Variants in CHERP observed in about 807,000 individuals in gnomAD.
The protein encoded by CHERP is ERPROT 213-21.
A neutral mutation model predicts 113.8 loss-of-function variants in CHERP; 8 were observed. The observed-to-expected ratio is 0.07, with a 90% CI of 0.04 to 0.13. The LOEUF (loss-of-function observed/expected upper bound fraction) is 0.13. CHERP is among the 10% of genes least tolerant of loss of function. CHERP has a pLI of 1.00. For missense variants in CHERP, 884 were observed against 1,298.2 expected (o/e 0.68, Z 4.90); for synonymous variants, 559 against 524.5 (o/e 1.07, Z -0.90).
chr19:16,526,020 CA>C, intron 9 of CHERP: 1 of 308,602 alleles, frequency 3.2e-6, no homozygotes, highest in Admixed American at 5.2e-5. Context: ...CCTCGCCCCT[CA>C]GGGGCAGGTG....
chr19:16,529,234 T>TCTCAA (rs1450582107), intron 8 of CHERP, among the ~76,000 whole-genome samples: 1 of 152,158 alleles, frequency 6.6e-6, no homozygotes, highest in African/African-American at 2.4e-5. Flanking sequence ...CCCAGGCTAA[T>TCTCAA]CTCAAACTCC....
rs556110219 is a variant in CHERP at position 16,519,890 on chromosome 19, C to T, written c.2463-175G>A. On this transcript the variant is annotated intron_variant, in intron 15 of 16. Coordinates refer to ENST00000546361, the MANE Select transcript of CHERP (RefSeq NM_006387.6). This position sits in a 1 kb window ranked among gnomAD's most constrained non-coding sequence, Gnocchi z 6.0. Reference sequence around the variant, plus strand: ...CTGTCTCAGCTAGATAAGGGGGCTCCAGACGCTGGCCCCCACCCCACGCTC... The same window carrying T: ...CTGTCTCAGCTAGATAAGGGGGCTCTAGACGCTGGCCCCCACCCCACGCTC... The T allele has an allele frequency of 8.8e-6, 6 of 680,360 alleles. No homozygotes were observed. The highest frequency in any genetic ancestry group is 5.2e-5 in the South Asian group (3 of 57,986). The allele number at this position is 680,360 out of a possible 1,614,324, so 42.1% of individuals were successfully genotyped here. A position where few individuals can be genotyped will look rare whatever the true frequency, so the allele number is the denominator to read the frequency against.
rs932609852 is a variant in CHERP at position 16,519,907 on chromosome 19, C to A, written c.2463-192G>T. ...GGGGGCTCCAGACGCTGGCCCCCAC[C>A]CCACGCTCAGCATTGAGAGCAGGAC... On this transcript the variant is annotated intron_variant, in intron 15 of 16. Coordinates refer to ENST00000546361, the MANE Select transcript of CHERP (RefSeq NM_006387.6). The surrounding 1 kb of genome is among the most constrained non-coding windows in gnomAD (Gnocchi z 6.0). 24 of 665,916 alleles carry A rather than the reference C, an allele frequency of 3.6e-5. No homozygotes were observed. Among genetic ancestry groups the A allele is most frequent in the Non-Finnish European group, 5.7e-5 (22 of 383,000 alleles). 41.3% of individuals were successfully genotyped at this position (665,916 alleles called of 1,614,324 possible).
In CHERP at chr19:16,520,081, T is replaced by G; in HGVS notation, c.2462+68A>C. 1 of 1,500,180 alleles carries G rather than the reference T, an allele frequency of 6.7e-7. No individual in the cohort carries two copies. The highest frequency in any genetic ancestry group is 1.2e-5 in the South Asian group (1 of 86,862). The allele number at this position is 1,500,180 out of a possible 1,614,324, so 92.9% of individuals were successfully genotyped here. ...ACACAGTCTCCTAACCACCAATGTT[T>G]CCACATTCACAGCAAAGCACCGCAG... On this transcript the variant is annotated intron_variant, in intron 15 of 16. Transcript: ENST00000546361. The surrounding 1 kb of genome is among the most constrained non-coding windows in gnomAD (Gnocchi z 4.0).
At position 16,525,748 on chromosome 19, in the gene CHERP, G is replaced by C. The variant is rs2085653753; in HGVS notation, c.1306-71C>G. On this transcript the variant is annotated intron_variant, in intron 9 of 16. Transcript: ENST00000546361. The surrounding 1 kb of genome is among the most constrained non-coding windows in gnomAD (Gnocchi z 6.5). The stretch of plus-strand genomic sequence containing the variant: ...AGTGCTCGGCAGCATCACAGCGCTC[G>C]GCAGCATCACAGCGCTGGCTCAGAC... 1 of 1,351,734 alleles carries C rather than the reference G, an allele frequency of 7.4e-7. No homozygotes were observed. The highest frequency in any genetic ancestry group is 1.5e-5 in the African/African-American group (1 of 67,020). 83.7% of individuals were successfully genotyped at this position (1,351,734 alleles called of 1,614,324 possible). A position where few individuals can be genotyped will look rare whatever the true frequency, so the allele number is the denominator to read the frequency against.
intron 5 of CHERP, among the ~76,000 whole-genome samples, chr19:16,531,594 G>A (rs894089965): frequency 6.6e-6 from 1 of 152,268 alleles, no homozygotes; most frequent in African/African-American, 2.4e-5. Context: ...GCCTGGGCTG[G>A]GCGAGCAGCA....
rs1568262491 is a variant in CHERP, at chr19:16,532,547, GA to G, written c.674+50del. 1.3e-6 allele frequency: 2 copies of G among 1,522,204 alleles called. No individual in the cohort carries two copies. Among genetic ancestry groups the G allele is most frequent in the Non-Finnish European group, 1.8e-6 (2 of 1,133,504 alleles). 94.3% of individuals were successfully genotyped at this position (1,522,204 alleles called of 1,614,324 possible). A position where few individuals can be genotyped will look rare whatever the true frequency, so the allele number is the denominator to read the frequency against. Reference sequence around the variant, plus strand: ...GAGCAAGCGGCCACCCAGGAGGGTTGAGGAGGAGCGCGAGGAAGTGGCGCTC... The same window carrying G: ...GAGCAAGCGGCCACCCAGGAGGGTTGGGAGGAGCGCGAGGAAGTGGCGCTC... On this transcript the variant is annotated intron_variant, in intron 5 of 16. Transcript: ENST00000546361. This position sits in a 1 kb window ranked among gnomAD's most constrained non-coding sequence, Gnocchi z 4.4.
Position 16,517,941 on chromosome 19 carries a change from G to A in CHERP, c.*1218C>T, listed in dbSNP as rs1165201203. The A allele has an allele frequency of 6.6e-6, 1 of 152,234 alleles. No individual in the cohort carries two copies. 9.4% of individuals were successfully genotyped at this position (152,234 alleles called of 1,614,324 possible). On this transcript the variant is annotated 3_prime_UTR_variant, in exon 17 of 17. Transcript: ENST00000546361. ...GAAGGCAAAACAATGAAATCCACAA[G>A]AAATTACTAACAGCACGTGTTTACG...
At chr19:16,522,384 G>A (rs886106740) in intron 11 of CHERP, among the ~76,000 whole-genome samples, 8 of 151,936 alleles carry the variant, frequency 5.3e-5, no homozygotes, top group African/African-American at 1.9e-4. Flanking sequence ...TCAGCCTCCC[G>A]AGCAGCTGGG....
chr19:16,527,670 G>C (rs561177943), intron 9 of CHERP, among the ~76,000 whole-genome samples: 2 of 152,294 alleles, frequency 1.3e-5, no homozygotes, highest in Admixed American at 1.3e-4. Context: ...GGGGCAACAC[G>C]GCTGACATTT....
At position 16,535,815 on chromosome 19, in the gene CHERP, C is replaced by T. The variant is rs1472879381; in HGVS notation, c.200-179G>A. Among the ~76,000 whole-genome samples the T allele has an allele frequency of 6.6e-6, 1 of 152,188 alleles. No individual in the cohort carries two copies. The highest frequency in any genetic ancestry group is 1.5e-5 in the Non-Finnish European group (1 of 68,010). ...CTCCTAGTCTCGGGTCCTGCCCTCC[C>T]TCTCACAGGATCCCAGCCTCAGCAT... On this transcript the variant is annotated intron_variant, in intron 2 of 16. Coordinates refer to ENST00000546361, the MANE Select transcript of CHERP (RefSeq NM_006387.6). This position sits in a 1 kb window ranked among gnomAD's most constrained non-coding sequence, Gnocchi z 4.3.
intron 1 of CHERP, 100 bp downstream of exon 1, chr19:16,542,254 G>T (rs1188998001): frequency 3.3e-6 from 4 of 1,196,444 alleles, no homozygotes; most frequent in Non-Finnish European, 1.1e-6. Context: ...GCGAGGCCGA[G>T]CCCCGCCCCC....
rs375143773 is a variant in CHERP at position 16,527,936 on chromosome 19, CACTA to C, written c.1305+140_1305+143del. The C allele has an allele frequency of 8.5e-5, 70 of 828,126 alleles. No individual in the cohort carries two copies. In the African/African-American group the frequency reaches 1.1e-3, roughly 13 times the overall value. 51.3% of individuals were successfully genotyped at this position (828,126 alleles called of 1,614,324 possible). ...CGGAGCCACAGGAAGACAGGGCTGTCACTAACCCAGCATAAGCTCTGCCACAGAA... is the reference window on the plus strand; with the variant it reads ...CGGAGCCACAGGAAGACAGGGCTGTCACCCAGCATAAGCTCTGCCACAGAA... On this transcript the variant is annotated intron_variant, in intron 9 of 16. Transcript: ENST00000546361.
At chr19:16,522,266 C>A (rs530293781) in intron 11 of CHERP, among the ~76,000 whole-genome samples, 28 of 152,130 alleles carry the variant, frequency 1.8e-4, no homozygotes, top group African/African-American at 4.8e-4. Context: ...CCCAACCCCC[C>A]CTTTTTTTTT....
At position 16,535,772 on chromosome 19, in the gene CHERP, GC is replaced by G; in HGVS notation, c.200-137del. 1 of 804,610 alleles carries G rather than the reference GC, an allele frequency of 1.2e-6. No individual in the cohort carries two copies. The highest frequency in any genetic ancestry group is 1.9e-6 in the Non-Finnish European group (1 of 531,712). 49.8% of individuals were successfully genotyped at this position (804,610 alleles called of 1,614,324 possible). A position where few individuals can be genotyped will look rare whatever the true frequency, so the allele number is the denominator to read the frequency against. On this transcript the variant is annotated intron_variant, in intron 2 of 16. Coordinates refer to ENST00000546361, the MANE Select transcript of CHERP (RefSeq NM_006387.6). This position sits in a 1 kb window ranked among gnomAD's most constrained non-coding sequence, Gnocchi z 4.3. ...CACGAGGGCCTGTTCATAGCCTCAT[GC>G]CCACGCAAACCAGCTCCTCCTAGTC...
rs2085733633 is a variant in CHERP, at chr19:16,535,314, G to A, written c.384+138C>T. On this transcript the variant is annotated intron_variant, in intron 3 of 16. Coordinates refer to ENST00000546361, the MANE Select transcript of CHERP (RefSeq NM_006387.6). The surrounding 1 kb of genome is among the most constrained non-coding windows in gnomAD (Gnocchi z 4.3). ...GGCATCAGGGCTGGGGGTGACAGTG[G>A]CTGACATGCACCGAGCCCTGGGTGG... The A allele has an allele frequency of 4.6e-6, 4 of 866,616 alleles. No homozygotes were observed. The highest frequency in any genetic ancestry group is 7.1e-6 in the Non-Finnish European group (4 of 563,466). 53.7% of individuals were successfully genotyped at this position (866,616 alleles called of 1,614,324 possible).
At position 16,532,777 on chromosome 19, in the gene CHERP, A is replaced by G. The variant is rs536373684; in HGVS notation, c.523-28T>C. ...GCAACAACCGAGCCAATGACGAGTG[A>G]GCAGGGCCGCGGCTCCCCCAGGCAC... On this transcript the variant is annotated intron_variant, in intron 4 of 16. Transcript: ENST00000546361. The surrounding 1 kb of genome is among the most constrained non-coding windows in gnomAD (Gnocchi z 4.4). 3 of 1,591,898 alleles carry G rather than the reference A, an allele frequency of 1.9e-6. No individual in the cohort carries two copies. Among genetic ancestry groups the G allele is most frequent in the Admixed American group, 3.4e-5 (2 of 59,196 alleles).
chr19:16,535,408 A>C lies in CHERP; in HGVS notation c.384+44T>G. Reference sequence around the variant, plus strand: ...TGAGCAGACGCAAAAACAGAGGCACAGGGGAGCTGCTGGTGTCTGGCCGAG... The same window carrying C: ...TGAGCAGACGCAAAAACAGAGGCACCGGGGAGCTGCTGGTGTCTGGCCGAG... On this transcript the variant is annotated intron_variant, in intron 3 of 16. Transcript: ENST00000546361. This position sits in a 1 kb window ranked among gnomAD's most constrained non-coding sequence, Gnocchi z 4.3. The C allele has an allele frequency of 6.3e-7, 1 of 1,583,042 alleles. No homozygotes were observed. The highest frequency in any genetic ancestry group is 8.6e-7 in the Non-Finnish European group (1 of 1,164,840).
At chr19:16,529,520 A>G in intron 8 of CHERP, 128 bp downstream of exon 8, 1 of 1,180,342 alleles carries the variant, frequency 8.5e-7, no homozygotes, top group Non-Finnish European at 1.2e-6. Context: ...ACCTGGGCCT[A>G]GGAGCAGGCC....
Sources: gnomAD v4.1 joint callset for allele counts (sites outside exome capture counted in the v4.1 genomes callset) on GRCh38, gnomAD v4.1.1 for gene constraint, Gnocchi (gnomAD v3.1) non-coding constraint, MANE v1.5 for transcripts, NCBI Gene and HGNC (gene_info 2026-07-23, HGNC 2026-07-21) for gene names.